HEXD: variants seen among roughly 807,000 people sequenced by gnomAD.
The protein encoded by HEXD is hexosaminidase D.
In HEXD, 47 loss-of-function variants were observed where a neutral mutation model predicts 54.2. The ratio of observed to expected loss-of-function variants is 0.87; its 90% CI spans 0.69 to 1.11. HEXD has a LOEUF of 1.11. HEXD is among the 50% of genes least tolerant of loss of function. The pLI, the probability that HEXD is intolerant of heterozygous loss-of-function variation, is 0.00. For missense variants in HEXD, 576 were observed against 649.2 expected (o/e 0.89, Z 1.23); for synonymous variants, 293 against 287.6 (o/e 1.02, Z -0.19).
At chr17:82,431,980 C>T (rs1284750744) in intron 4 of HEXD, among the ~76,000 whole-genome samples, 2 of 152,220 alleles carry the variant, frequency 1.3e-5, no homozygotes, top group African/African-American at 2.4e-5. Flanking sequence ...GGACCTGCCC[C>T]TGGCTGTGTG....
intron 3 of HEXD, among the ~76,000 whole-genome samples, chr17:82,424,936 G>A (rs750550823): frequency 1.3e-5 from 2 of 152,146 alleles, no homozygotes; most frequent in African/African-American, 2.4e-5. Context: ...GAAGGCTGGA[G>A]AAGGCTGGAG....
chr17:82,436,273 G>A (rs2053760487), intron 6 of HEXD, among the ~76,000 whole-genome samples: 1 of 152,266 alleles, frequency 6.6e-6, no homozygotes, highest in Admixed American at 6.5e-5. Flanking sequence ...TCAGACACCT[G>A]GCCTGGTTCC....
Position 82,419,848 on chromosome 17 carries a change from A to G in HEXD, c.49A>G (p.Lys17Glu). 1 of 1,612,070 alleles carries G rather than the reference A, an allele frequency of 6.2e-7. No homozygotes were observed. Among genetic ancestry groups the G allele is most frequent in the Non-Finnish European group, 8.5e-7 (1 of 1,178,202 alleles). The change falls in exon 2 of 13, where the codon AAA becomes GAA. Residue 17 changes from lysine to glutamate, a missense_variant. Transcript: ENST00000327949. ...FQMRLVHLDL[K>E]GAPPKVSYLS... ...GATGAGATTAGTTCATTTAGACCTTAAAGGAGCTCCACCAAAGGTCTCGTA... is the reference window on the plus strand; with the variant it reads ...GATGAGATTAGTTCATTTAGACCTTGAAGGAGCTCCACCAAAGGTCTCGTA...
rs1267480658 is a variant in HEXD at position 82,434,434 on chromosome 17, G to A, written c.447+612G>A. Among the ~76,000 whole-genome samples, 1 of 152,214 alleles carries A rather than the reference G, an allele frequency of 6.6e-6. No homozygotes were observed. The highest frequency in any genetic ancestry group is 6.5e-5 in the Admixed American group (1 of 15,282). On this transcript the variant is annotated intron_variant, in intron 5 of 12. Transcript: ENST00000327949. This position sits in a 1 kb window ranked among gnomAD's most constrained non-coding sequence, Gnocchi z 4.5. ...GCCCACGGGGCTGGGAGGTTCTGCA[G>A]GGCTGTGGCTCACAGGGAACCCGAG...
intron 3 of HEXD, chr17:82,427,100 C>G (rs59421485): frequency 6.7e-6 from 1 of 149,996 alleles, no homozygotes; most frequent in South Asian, 2.1e-4. Context: ...TGCGCCACTG[C>G]GCTCCAGCCT....
intron 1 of HEXD, 119 bp downstream of exon 1, chr17:82,418,859 G>A (rs1333137500): frequency 6.6e-6 from 1 of 152,262 alleles, no homozygotes; most frequent in Non-Finnish European, 1.5e-5. Flanking sequence ...ACGCCTCCCA[G>A]CGTGGCTGTC....
chr17:82,425,266 G>GAAGGCTGGGC, intron 3 of HEXD, among the ~76,000 whole-genome samples: 1 of 151,740 alleles, frequency 6.6e-6, no homozygotes, highest in Non-Finnish European at 1.5e-5. Context: ...GAAGGCTGGA[G>GAAGGCTGGGC]AAGGCTGGGC....
At chr17:82,428,347 A>G (rs2053478544) in intron 3 of HEXD, among the ~76,000 whole-genome samples, 3 of 152,084 alleles carry the variant, frequency 2.0e-5, no homozygotes, top group South Asian at 4.1e-4. Flanking sequence ...AAAGCGAACC[A>G]TTACTTGAGG....
intron 2 of HEXD, among the ~76,000 whole-genome samples, chr17:82,422,102 G>T (rs1419690071): frequency 1.3e-5 from 2 of 151,198 alleles, no homozygotes; most frequent in African/African-American, 2.4e-5. Context: ...GGAGGTGGAG[G>T]TTGCAGTAAG....
Position 82,436,672 on chromosome 17 carries a change from G to T in HEXD, c.637G>T (p.Gly213Trp). The stretch of plus-strand genomic sequence containing the variant: ...CACGTCCGCTCTGTCTGCAGCGTCC[G>T]GGGTGCCGCAGCTGGTGGAGCCGGT... ...DLPEDQLAAS[G>W]VPQLVEPVLW... The change falls in exon 7 of 13, where the codon GGG becomes TGG. Residue 213 changes from glycine to tryptophan, a missense_variant. Physicochemically the swap from Gly to Trp is radical, Grantham distance 184. Coordinates refer to ENST00000327949, the MANE Select transcript of HEXD (RefSeq NM_001330542.2). 1 of 1,610,306 alleles carries T rather than the reference G, an allele frequency of 6.2e-7. No individual in the cohort carries two copies.
intron 2 of HEXD, among the ~76,000 whole-genome samples, chr17:82,422,217 T>A (rs2053257088): frequency 6.7e-6 from 1 of 148,386 alleles, no homozygotes; most frequent in South Asian, 2.1e-4. Flanking sequence ...ATTGCAGCAG[T>A]GAAGGTGCTC....
chr17:82,438,749 G>A lies in HEXD; in HGVS notation c.900-882G>A, dbSNP rs569985365. 3.3e-5 allele frequency among the ~76,000 whole-genome samples: 5 copies of A among 152,368 alleles called. No individual in the cohort carries two copies. In the South Asian group the frequency reaches 1.0e-3, roughly 32 times the overall value. On this transcript the variant is annotated intron_variant, in intron 8 of 12. Transcript: ENST00000327949. Reference sequence around the variant, plus strand: ...AGAATTTCATGGTGGGGACCGCAGAGCCTGGTGGGCCAGCCTGCTAGAGGG... The same window carrying A: ...AGAATTTCATGGTGGGGACCGCAGAACCTGGTGGGCCAGCCTGCTAGAGGG...
intron 4 of HEXD, 90 bp from the exon 5 acceptor site, chr17:82,433,568 C>G: frequency 7.5e-7 from 1 of 1,331,478 alleles, no homozygotes; most frequent in Non-Finnish European, 1.0e-6. Flanking sequence ...TTTGTATTAT[C>G]TGTAGATTTG....
intron 5 of HEXD, among the ~76,000 whole-genome samples, chr17:82,435,429 G>A (rs1289412759): frequency 1.3e-5 from 2 of 152,244 alleles, no homozygotes; most frequent in East Asian, 3.8e-4. Flanking sequence ...CCATCATGGG[G>A]GATGGACCCC....
chr17:82,442,326 T>C lies in HEXD; in HGVS notation c.1403T>C (p.Val468Ala), dbSNP rs1418595914. ...GCTCTGCTGCAGGACCTCAGCGAGG[T>C]GTCTGCCCCCCCGCTGCCACCCACC... ...LQALLQDLSE[V>A]SAPPLPPTSP... Residue 468 changes from valine to alanine, a missense_variant, in exon 13 of 13, where the codon GTG becomes GCG. Physicochemically the swap from Val to Ala is moderately conservative, Grantham distance 64. Transcript: ENST00000327949. This position sits in a 1 kb window ranked among gnomAD's most constrained non-coding sequence, Gnocchi z 6.8. 1.9e-6 allele frequency: 3 copies of C among 1,610,292 alleles called. No individual in the cohort carries two copies. The highest frequency in any genetic ancestry group is 2.2e-5 in the South Asian group (2 of 91,074).
rs536538745 is a variant in HEXD at position 82,441,384 on chromosome 17, G to A, written c.1163+118G>A. 4,707 of 1,177,544 alleles carry A rather than the reference G, an allele frequency of 4.0e-3. 44 individuals are homozygous for A. The highest frequency in any genetic ancestry group is 8.7e-3 in the Middle Eastern group (30 of 3,456). 72.9% of individuals were successfully genotyped at this position (1,177,544 alleles called of 1,614,324 possible). On this transcript the variant is annotated intron_variant, in intron 11 of 12. Transcript: ENST00000327949. ...GGGTGAGGGGCAGGTGCAGGTGAGCGGGCAGGCATGGGGCAGGTGCGGGTG... is the reference window on the plus strand; with the variant it reads ...GGGTGAGGGGCAGGTGCAGGTGAGCAGGCAGGCATGGGGCAGGTGCGGGTG...
At position 82,428,609 on chromosome 17, in the gene HEXD, G is replaced by A. The variant is rs761516814; in HGVS notation, c.246G>A (p.Glu82=). ...ILHLAGLNEL[E]VIPLVQTFGH... ...ATCTGGCTGGACTCAATGAGCTGGAGGTGATTCCCTTGGTGCAGACATTTG... is the reference window on the plus strand; with the variant it reads ...ATCTGGCTGGACTCAATGAGCTGGAAGTGATTCCCTTGGTGCAGACATTTG... The change falls in exon 4 of 13, where the codon GAG becomes GAA. Residue 82 remains glutamate, a synonymous_variant. Coordinates refer to ENST00000327949, the MANE Select transcript of HEXD (RefSeq NM_001330542.2). 8.1e-6 allele frequency: 13 copies of A among 1,613,494 alleles called. No homozygotes were observed. In the East Asian group the frequency reaches 2.7e-4, roughly 33 times the overall value.
Position 82,442,478 on chromosome 17 carries a change from GC to G in HEXD, c.*97del. The G allele has an allele frequency of 1.2e-6, 2 of 1,605,354 alleles. No individual in the cohort carries two copies. The highest frequency in any genetic ancestry group is 4.5e-5 in the East Asian group (2 of 44,526). On this transcript the variant is annotated 3_prime_UTR_variant, in exon 13 of 13. Transcript: ENST00000327949. This position sits in a 1 kb window ranked among gnomAD's most constrained non-coding sequence, Gnocchi z 6.8. Reference sequence around the variant, plus strand: ...CAATACGGGCCCACGTGGGCGTCGTGCCCTCTGGCCCAGCAGTGTCTTGCCC... The same window carrying G: ...CAATACGGGCCCACGTGGGCGTCGTGCCTCTGGCCCAGCAGTGTCTTGCCC...
intron 3 of HEXD, 50 bp from the exon 4 acceptor site, chr17:82,428,508 A>AGTCACGTG: frequency 6.6e-7 from 1 of 1,519,286 alleles, no homozygotes; most frequent in Middle Eastern, 1.9e-4. Context: ...TGGGTGTGGA[A>AGTCACGTG]GTCACGTGCT....
Sources: allele counts gnomAD v4.1 joint callset (sites outside exome capture counted in the v4.1 genomes callset), GRCh38; gene constraint gnomAD v4.1.1; non-coding constraint Gnocchi (gnomAD v3.1); transcripts MANE v1.5; gene names NCBI Gene and HGNC (gene_info 2026-07-23, HGNC 2026-07-21).